C2CD3: variants seen among roughly 807,000 people sequenced by gnomAD.
C2CD3 encodes C2 domain-containing protein 3.
Under a neutral mutation model 234.0 loss-of-function variants are expected in C2CD3, and 148 were observed. The observed-to-expected ratio is 0.63, with a 90% confidence interval of 0.55 to 0.72. C2CD3 has a LOEUF of 0.72. Ranked by LOEUF, C2CD3 falls within the 30% of genes least tolerant of loss-of-function variation. The pLI is 0.00. For synonymous variants in C2CD3, 1,000 were observed against 1,035.4 expected, an observed-to-expected ratio of 0.97 and a Z score of 0.66; for missense variants, 2,577 against 2,811.5, an observed-to-expected ratio of 0.92 and a Z score of 1.89.
Position 74,048,350 on chromosome 11 carries a change from A to G in C2CD3, c.5362-12T>C. 4.3e-6 allele frequency: 7 copies of G among 1,613,000 alleles called. No homozygotes were observed. The highest frequency in any genetic ancestry group is 5.9e-6 in the Non-Finnish European group (7 of 1,179,272). ...CTGTATATTGGGATCTGTAAACACA[A>G]CAAGAAAAATGGTACACTTGTCACC... On this transcript the variant is annotated splice_polypyrimidine_tract_variant and intron_variant, in intron 27 of 32. Transcript: ENST00000334126.
intron 21 of C2CD3, among the ~76,000 whole-genome samples, chr11:74,085,361 T>C (rs1351295784): frequency 1.3e-5 from 2 of 152,164 alleles, no homozygotes; most frequent in South Asian, 2.1e-4. Context: ...TGCAAAAATA[T>C]AATAATGAAC....
chr11:74,095,192 C>A (rs1956060956), intron 17 of C2CD3, 36 bp downstream of exon 17: 2 of 1,375,936 alleles, frequency 1.5e-6, no homozygotes, highest in Non-Finnish European at 9.8e-7. Flanking sequence ...ATAAAAGAAC[C>A]ATATAAGAAT....
rs188923307 is a variant in C2CD3 at position 74,037,711 on chromosome 11, G to C, written c.5661-13C>G. The C allele has an allele frequency of 2.0e-5, 32 of 1,597,662 alleles. No individual in the cohort carries two copies. In the East Asian group the frequency reaches 4.7e-4, roughly 24 times the overall value. On this transcript the variant is annotated splice_polypyrimidine_tract_variant and intron_variant, in intron 29 of 32. Transcript: ENST00000334126. Reference sequence around the variant, plus strand: ...ACTCAGATTCTTCCTATAAACAAAAGGGGGAGAAGAAGACAAAGGGGTAAT... The same window carrying C: ...ACTCAGATTCTTCCTATAAACAAAACGGGGAGAAGAAGACAAAGGGGTAAT...
intron 3 of C2CD3, among the ~76,000 whole-genome samples, chr11:74,141,094 A>C (rs567310316): frequency 2.0e-5 from 3 of 152,384 alleles, no homozygotes; most frequent in East Asian, 1.9e-4. Flanking sequence ...TTAAGCACCC[A>C]AAGACCGTCA....
chr11:74,039,932 C>A (rs1176490173), intron 29 of C2CD3, among the ~76,000 whole-genome samples: 1 of 152,198 alleles, frequency 6.6e-6, no homozygotes, highest in Non-Finnish European at 1.5e-5. Flanking sequence ...AAACAGCCTA[C>A]AATCTCTAGC....
At chr11:74,071,493 C>T (rs1954790327) in intron 24 of C2CD3, among the ~76,000 whole-genome samples, 2 of 152,206 alleles carry the variant, frequency 1.3e-5, no homozygotes, top group South Asian at 4.1e-4. Flanking sequence ...CCATCTGGTT[C>T]TGCAGAGCGC....
intron 31 of C2CD3, among the ~76,000 whole-genome samples, chr11:74,031,976 C>T (rs1952538731): frequency 6.6e-6 from 1 of 152,202 alleles, no homozygotes; most frequent in Non-Finnish European, 1.5e-5. Flanking sequence ...TGATCTGCAT[C>T]AAGAATCATA....
chr11:74,053,651 C>T (rs528554889), intron 26 of C2CD3, among the ~76,000 whole-genome samples: 1 of 152,264 alleles, frequency 6.6e-6, no homozygotes, highest in South Asian at 2.1e-4. Flanking sequence ...GGTTAATAAG[C>T]CAGAGTCAAC....
At chr11:74,050,428 A>G (rs147209496) in intron 26 of C2CD3, among the ~76,000 whole-genome samples, 159 of 152,264 alleles carry the variant, frequency 1.0e-3, no homozygotes, top group African/African-American at 3.6e-3. Flanking sequence ...CCATGCAATG[A>G]CCTTCATTCT....
At chr11:74,153,403 C>T (rs1054365853) in intron 3 of C2CD3, among the ~76,000 whole-genome samples, 3 of 152,034 alleles carry the variant, frequency 2.0e-5, no homozygotes, top group African/African-American at 7.2e-5. Context: ...AGAAGTAAAC[C>T]TGTCTTTATC....
intron 24 of C2CD3, among the ~76,000 whole-genome samples, chr11:74,062,999 C>T (rs1011223565): frequency 3.3e-5 from 5 of 152,204 alleles, no homozygotes; most frequent in African/African-American, 1.2e-4. Context: ...ATACTACAAG[C>T]ATCTCTATGC....
intron 3 of C2CD3, 100 bp downstream of exon 3, chr11:74,161,299 A>G (rs977005136): frequency 2.1e-5 from 13 of 609,024 alleles, no homozygotes; most frequent in Non-Finnish European, 3.2e-5. Context: ...AATTAGCATG[A>G]TATACAGGAG....
chr11:74,049,348 A>G lies in C2CD3; in HGVS notation c.5350T>C (p.Ser1784Pro). 1 of 1,613,876 alleles carries G rather than the reference A, an allele frequency of 6.2e-7. No individual in the cohort carries two copies. Among genetic ancestry groups the G allele is most frequent in the Non-Finnish European group, 8.5e-7 (1 of 1,179,726 alleles). Residue 1784 changes from serine (S) to proline (P), a missense_variant, in exon 27 of 33, where the codon TCA (serine) becomes CCA (proline). Physicochemically the swap from Ser to Pro is moderately conservative, Grantham distance 74 (BLOSUM62 -1). Coordinates refer to ENST00000334126, the MANE Select transcript of C2CD3 (RefSeq NM_001286577.2). ...ERQARRGVET[S>P]KSLIPIYSPF... The stretch of plus-strand genomic sequence containing the variant: ...ATCTCCATACATACCAGTGATTTTG[A>G]GGTCTCCACTCCACGCCTTGCTTGC...
Position 74,168,495 on chromosome 11 carries a change from A to G in C2CD3, c.174T>C (p.Cys58=), listed in dbSNP as rs766314806. 12 of 1,614,120 alleles carry G rather than the reference A, an allele frequency of 7.4e-6. No individual in the cohort carries two copies. The highest frequency in any genetic ancestry group is 1.3e-5 in the African/African-American group (1 of 74,948). The change falls in exon 2 of 33, where the codon TGT becomes TGC. Residue 58 remains cysteine (C), a synonymous_variant. Coordinates refer to ENST00000334126, the MANE Select transcript of C2CD3 (RefSeq NM_001286577.2). ...CCCACCATCTCACTCGGACAAGTAC[A>G]CAAGTGGGAGGCTTTGCAATCTTCC... The part of the protein sequence containing the change: ...VIWKIAKPPT[C]VLVRVRWWGE...
chr11:74,105,300 T>C (rs1431078894), intron 13 of C2CD3, among the ~76,000 whole-genome samples: 2 of 152,170 alleles, frequency 1.3e-5, no homozygotes, highest in Admixed American at 1.3e-4. Context: ...AGACAGAGTC[T>C]TGCTCTGTCG....
At chr11:74,022,199 T>TG (rs1952118394) in intron 32 of C2CD3, among the ~76,000 whole-genome samples, 1 of 151,970 alleles carries the variant, frequency 6.6e-6, no homozygotes. Flanking sequence ...ATTCAAAAGA[T>TG]GCTTAGGTGG....
intron 17 of C2CD3, 64 bp from the exon 18 acceptor site, chr11:74,094,063 A>G: frequency 2.2e-6 from 3 of 1,342,690 alleles, no homozygotes; most frequent in Non-Finnish European, 3.1e-6. Context: ...TTCTTCTTTC[A>G]TGTTCTTCCA....
chr11:74,112,383 T>C (rs988434538), intron 11 of C2CD3, among the ~76,000 whole-genome samples: 22 of 151,230 alleles, frequency 1.5e-4, no homozygotes, highest in African/African-American at 4.6e-4. Context: ...GTATCTGAAA[T>C]ATTTAAAACA....
intron 11 of C2CD3, chr11:74,113,524 A>C: frequency 2.4e-6 from 1 of 412,602 alleles, no homozygotes; most frequent in Admixed American, 3.6e-5. Flanking sequence ...ACTAAAAAAT[A>C]CAAAAATTAG....
Sources: allele counts gnomAD v4.1 joint callset (sites outside exome capture counted in the v4.1 genomes callset), GRCh38; gene constraint gnomAD v4.1.1; transcripts MANE v1.5; gene names NCBI Gene and HGNC (gene_info 2026-07-23, HGNC 2026-07-21).